Variants in TXLNG observed in about 807,000 individuals in gnomAD.
TXLNG encodes the protein taxilin gamma.
Under a neutral mutation model 38.8 loss-of-function variants are expected in TXLNG, and 5 were observed. The observed-to-expected ratio is 0.13, with a 90% confidence interval of 0.07 to 0.27. TXLNG has a LOEUF of 0.27. Among genes scored for constraint, TXLNG ranks in the 10% least tolerant of loss-of-function variants. TXLNG has a pLI of 1.00. For synonymous variants in TXLNG, 182 were observed against 158.2 expected (o/e 1.15, Z -1.13); for missense variants, 393 against 398.2 (o/e 0.99, Z 0.11).
intron 9 of TXLNG, among the ~76,000 whole-genome samples, chrX:16,840,712 C>T (rs1392954187): frequency 3.6e-5 from 4 of 111,275 alleles, no homozygotes; most frequent in Non-Finnish European, 1.9e-5. Flanking sequence ...GCGGAGGTTG[C>T]AGTGAGCTGA....
In TXLNG at chrX:16,843,877, C is replaced by A. The variant is rs761651823; in HGVS notation, c.*2111C>A. On this transcript the variant is annotated 3_prime_UTR_variant, in exon 10 of 10. Transcript: ENST00000380122. Reference sequence around the variant, plus strand: ...TGTTGTCCTTTCAGAACCCTTCCTCCCATTACCCTGTGAATAAAAACAAAT... The same window carrying A: ...TGTTGTCCTTTCAGAACCCTTCCTCACATTACCCTGTGAATAAAAACAAAT... 3 of 111,706 alleles carry A rather than the reference C, an allele frequency of 2.7e-5. No homozygotes were observed. In the East Asian group the frequency reaches 8.4e-4, roughly 31 times the overall value. The allele number at this position is 111,706 out of a possible 1,213,427, so 9.2% of individuals were successfully genotyped here. A position where few individuals can be genotyped will look rare whatever the true frequency, so the allele number is the denominator to read the frequency against.
chrX:16,807,262 T>C (rs1006260825), intron 1 of TXLNG, among the ~76,000 whole-genome samples: 4 of 112,197 alleles, frequency 3.6e-5, no homozygotes, highest in Non-Finnish European at 7.5e-5. Flanking sequence ...CATGATGTTT[T>C]CTGAATGCAT....
At chrX:16,821,162 A>G (rs1928938851) in intron 3 of TXLNG, among the ~76,000 whole-genome samples, 1 of 66,790 alleles carries the variant, frequency 1.5e-5, no homozygotes, top group Non-Finnish European at 2.6e-5. Flanking sequence ...TTTTTTTGAG[A>G]CGGAGTCTCG....
intron 7 of TXLNG, among the ~76,000 whole-genome samples, chrX:16,836,783 T>C (rs1220165401): frequency 8.9e-6 from 1 of 112,223 alleles, no homozygotes; most frequent in African/African-American, 3.2e-5. Flanking sequence ...TTGCCCAAAA[T>C]ACTTTATTCC....
intron 1 of TXLNG, among the ~76,000 whole-genome samples, chrX:16,804,015 ATAAAT>A (rs1928220328): frequency 9.0e-6 from 1 of 111,725 alleles, no homozygotes; most frequent in South Asian, 3.7e-4. Flanking sequence ...AAAAAGTAAA[ATAAAT>A]TAAGGCAGAG....
Position 16,801,976 on chromosome X carries a change from C to G in TXLNG, c.102+15387C>G, listed in dbSNP as rs1251024716. Reference sequence around the variant, plus strand: ...TTTTTTTTTTTTTTTTTTTTTGAGACGGAGTCTTGCTCTGTCACCCAGACT... The same window carrying G: ...TTTTTTTTTTTTTTTTTTTTTGAGAGGGAGTCTTGCTCTGTCACCCAGACT... On this transcript the variant is annotated intron_variant, in intron 1 of 9. Transcript: ENST00000380122. 4.1e-5 allele frequency among the ~76,000 whole-genome samples: 3 copies of G among 73,165 alleles called. No homozygotes were observed. The South Asian group carries it at 2.4e-3, about 57-fold the overall frequency. 63.5% of individuals were successfully genotyped at this position (73,165 alleles called of 115,157 possible).
rs1287908739 is a variant in TXLNG at position 16,843,976 on chromosome X, C to G, written c.*2210C>G. 2 of 111,341 alleles carry G rather than the reference C, an allele frequency of 1.8e-5. No homozygotes were observed. The highest frequency in any genetic ancestry group is 6.5e-5 in the African/African-American group (2 of 30,549). The allele number at this position is 111,341 out of a possible 1,213,427, so 9.2% of individuals were successfully genotyped here. A position where few individuals can be genotyped will look rare whatever the true frequency, so the allele number is the denominator to read the frequency against. On this transcript the variant is annotated 3_prime_UTR_variant, in exon 10 of 10. Coordinates refer to ENST00000380122, the MANE Select transcript of TXLNG (RefSeq NM_018360.3). ...CAGTGTTGTGGCTTTGTAGCGCACC[C>G]CGTATCTACCATATTCTAGAACACT...
At chrX:16,813,654 A>AG (rs1928620628) in intron 1 of TXLNG, among the ~76,000 whole-genome samples, 1 of 108,288 alleles carries the variant, frequency 9.2e-6, no homozygotes, top group Non-Finnish European at 1.9e-5. Flanking sequence ...AAAAAAAAAA[A>AG]GTACAGTTGC....
At chrX:16,840,096 A>C in intron 9 of TXLNG, 180 bp downstream of exon 9, 1 of 366,664 alleles carries the variant, frequency 2.7e-6, no homozygotes. Flanking sequence ...CTTTCCTGGC[A>C]GTTAGGTTAG....
chrX:16,836,847 G>A (rs1188524784), intron 7 of TXLNG, among the ~76,000 whole-genome samples: 1 of 111,568 alleles, frequency 9.0e-6, no homozygotes, highest in African/African-American at 3.3e-5. Flanking sequence ...ATGTTGGATA[G>A]TCTCTGAAAG....
intron 9 of TXLNG, chrX:16,840,370 C>T (rs1929750208): frequency 1.5e-6 from 1 of 651,623 alleles, no homozygotes; most frequent in South Asian, 8.0e-5. Context: ...GCATGTAGGG[C>T]CTTTCTAGCT....
At chrX:16,807,923 A>G (rs1487772849) in intron 1 of TXLNG, among the ~76,000 whole-genome samples, 4 of 112,041 alleles carry the variant, frequency 3.6e-5, no homozygotes, top group Admixed American at 2.9e-4. Context: ...TTTAATTTCC[A>G]TGTTCTTAGT....
chrX:16,842,047 A>C lies in TXLNG; in HGVS notation c.*281A>C. On this transcript the variant is annotated 3_prime_UTR_variant, in exon 10 of 10. Transcript: ENST00000380122. The stretch of plus-strand genomic sequence containing the variant: ...TTTCTCTCCCTGCTCCTTGCACATT[A>C]TCATCCTAATGAAAATTTCACTGAC... 1 of 260,171 alleles carries C rather than the reference A, an allele frequency of 3.8e-6. No individual in the cohort carries two copies. Among genetic ancestry groups the C allele is most frequent in the Non-Finnish European group, 6.8e-6 (1 of 147,196 alleles). 21.4% of individuals were successfully genotyped at this position (260,171 alleles called of 1,213,427 possible). A position where few individuals can be genotyped will look rare whatever the true frequency, so the allele number is the denominator to read the frequency against.
At chrX:16,830,261 A>G (rs1416257085) in intron 5 of TXLNG, among the ~76,000 whole-genome samples, 2 of 108,236 alleles carry the variant, frequency 1.8e-5, no homozygotes, top group Admixed American at 9.9e-5. Context: ...CCTCACACAT[A>G]AGCCCATTGA....
chrX:16,789,260 C>T (rs1415225109), intron 1 of TXLNG, among the ~76,000 whole-genome samples: 1 of 110,385 alleles, frequency 9.1e-6, no homozygotes, highest in African/African-American at 3.3e-5. Flanking sequence ...TAGTCACTCG[C>T]GACCTGCTCA....
chrX:16,816,396 C>T (rs1454624887), intron 1 of TXLNG, among the ~76,000 whole-genome samples: 4 of 112,823 alleles, frequency 3.5e-5, no homozygotes, highest in East Asian at 2.8e-4. Flanking sequence ...GACGAAGTCT[C>T]ACTATATTGC....
At chrX:16,822,334 C>CT (rs1392549182) in intron 3 of TXLNG, among the ~76,000 whole-genome samples, 2 of 108,072 alleles carry the variant, frequency 1.9e-5, no homozygotes, top group East Asian at 5.8e-4. Flanking sequence ...GAGTGAGACT[C>CT]TGACTCAAAA....
rs189746853 is a variant in TXLNG at position 16,808,945 on chromosome X, C to T, written c.103-9629C>T. On this transcript the variant is annotated intron_variant, in intron 1 of 9. Coordinates refer to ENST00000380122, the MANE Select transcript of TXLNG (RefSeq NM_018360.3). ...AAGCATATGTGACTTGATGTTTTCT[C>T]CCTCCAACATCTTATGAAAAATTTC... 4.0e-4 allele frequency among the ~76,000 whole-genome samples: 45 copies of T among 111,622 alleles called. No homozygotes were observed. The East Asian group carries it at 0.01, about 26-fold the overall frequency.
intron 3 of TXLNG, among the ~76,000 whole-genome samples, chrX:16,821,758 AGGTG>A (rs1312200970): frequency 4.5e-5 from 5 of 110,181 alleles, no homozygotes; most frequent in African/African-American, 1.6e-4. Flanking sequence ...TGGGAGGCCA[AGGTG>A]GGCGGATCAC....
Sources: gnomAD v4.1 joint callset for allele counts (sites outside exome capture counted in the v4.1 genomes callset) on GRCh38, gnomAD v4.1.1 for gene constraint, MANE v1.5 for transcripts, NCBI Gene and HGNC (gene_info 2026-07-23, HGNC 2026-07-21) for gene names.